The following PTPRO variants were observed in gnomAD, a reference collection of about 807,000 sequenced individuals.
PTPRO encodes protein tyrosine phosphatase receptor type O.
Under a neutral mutation model 145.2 loss-of-function variants are expected in PTPRO, and 62 were observed. The observed-to-expected ratio is 0.43, with a 90% CI of 0.35 to 0.53. The LOEUF (loss-of-function observed/expected upper bound fraction) is 0.53, where lower values mean the gene tolerates loss of function less well. PTPRO is among the 20% of genes least tolerant of loss of function. The pLI, the probability that PTPRO is intolerant of heterozygous loss-of-function variation, is 0.01. For synonymous variants in PTPRO, 565 were observed against 514.7 expected (o/e 1.10, Z -1.32); for missense variants, 1,345 against 1,482.7 (o/e 0.91, Z 1.53).
chr12:15,455,733 G>T (rs1172860490), intron 1 of PTPRO, among the ~76,000 whole-genome samples: 1 of 152,062 alleles, frequency 6.6e-6, no homozygotes. Flanking sequence ...GAACTCATTT[G>T]TTACTTCTAA....
chr12:15,531,855 T>C (rs1230675661), intron 12 of PTPRO, among the ~76,000 whole-genome samples: 1 of 152,206 alleles, frequency 6.6e-6, no homozygotes, highest in Non-Finnish European at 1.5e-5. Context: ...TTTTTTAAGA[T>C]GTCTGCTAAT....
chr12:15,483,360 G>A lies in PTPRO; in HGVS notation c.76-614G>A, dbSNP rs253846. Among the ~76,000 whole-genome samples the A allele has an allele frequency of 1.9e-3, 282 of 152,224 alleles. 1 individual carries two copies. Among genetic ancestry groups the A allele is most frequent in the African/African-American group, 6.5e-3 (269 of 41,554 alleles). On this transcript the variant is annotated intron_variant, in intron 1 of 26. Coordinates refer to ENST00000281171, the MANE Select transcript of PTPRO (RefSeq NM_030667.3). ...AAGTCCATCAACCGCTGATCCCCTA[G>A]ACACCAGCAGATCCTCCATCTGGTC...
intron 1 of PTPRO, among the ~76,000 whole-genome samples, chr12:15,391,879 C>T (rs1329412775): frequency 6.6e-6 from 1 of 152,136 alleles, no homozygotes; most frequent in African/African-American, 2.4e-5. Context: ...CTACTTTTGC[C>T]CCTTGGTTCT....
rs575050397 is a variant in PTPRO at position 15,327,151 on chromosome 12, G to A, written c.75+4350G>A. ...GGAGTTAAATAATCATAACTACAATGCACTCATTACATTCAAATAGTAAAA... is the reference window on the plus strand; with the variant it reads ...GGAGTTAAATAATCATAACTACAATACACTCATTACATTCAAATAGTAAAA... On this transcript the variant is annotated intron_variant, in intron 1 of 26. Coordinates refer to ENST00000281171, the MANE Select transcript of PTPRO (RefSeq NM_030667.3). Among the ~76,000 whole-genome samples, 277 of 152,182 alleles carry A rather than the reference G, an allele frequency of 1.8e-3. 1 individual carries two copies. Among genetic ancestry groups the A allele is most frequent in the African/African-American group, 6.5e-3 (269 of 41,526 alleles).
chr12:15,552,099 T>C (rs1943478964), intron 15 of PTPRO, among the ~76,000 whole-genome samples: 2 of 151,970 alleles, frequency 1.3e-5, no homozygotes, highest in South Asian at 4.2e-4. Context: ...AGCTGTTCTA[T>C]TGGAAAATAT....
chr12:15,467,593 C>A (rs1222059725), intron 1 of PTPRO, among the ~76,000 whole-genome samples: 1 of 152,164 alleles, frequency 6.6e-6, no homozygotes, highest in East Asian at 1.9e-4. Flanking sequence ...CCACTGCTGC[C>A]TATACTCACC....
At chr12:15,366,363 G>T (rs954952694) in intron 1 of PTPRO, among the ~76,000 whole-genome samples, 3 of 152,100 alleles carry the variant, frequency 2.0e-5, no homozygotes, top group Non-Finnish European at 2.9e-5. Flanking sequence ...AGTGAGGGGG[G>T]GAAAATTGTA....
intron 2 of PTPRO, among the ~76,000 whole-genome samples, chr12:15,490,563 A>C (rs1941979793): frequency 6.6e-6 from 1 of 152,206 alleles, no homozygotes; most frequent in African/African-American, 2.4e-5. Context: ...AAAGTCAAAC[A>C]AAAACAGGTG....
At chr12:15,399,506 C>T (rs1357209811) in intron 1 of PTPRO, among the ~76,000 whole-genome samples, 2 of 152,170 alleles carry the variant, frequency 1.3e-5, no homozygotes, top group Non-Finnish European at 1.5e-5. Context: ...CTCATAGATC[C>T]AGACTTTGTC....
Position 15,530,813 on chromosome 12 carries a change from A to C in PTPRO, c.2164+4551A>C, listed in dbSNP as rs373052404. Among the ~76,000 whole-genome samples, 3 of 152,276 alleles carry C rather than the reference A, an allele frequency of 2.0e-5. No individual in the cohort carries two copies. The East Asian group carries it at 5.8e-4, about 29-fold the overall frequency. On this transcript the variant is annotated intron_variant, in intron 12 of 26. Transcript: ENST00000281171. ...ATACACAACCTAATGATGTACCTCA[A>C]GGAACTAGAAAAGCAAAAGCAAACC...
Position 15,484,104 on chromosome 12 carries a change from T to C in PTPRO, c.206T>C (p.Phe69Ser). 1.9e-6 allele frequency: 3 copies of C among 1,613,868 alleles called. No individual in the cohort carries two copies. The highest frequency in any genetic ancestry group is 2.5e-6 in the Non-Finnish European group (3 of 1,179,828). ...ACTGGTGAATCCAAAAATTATTTCT[T>C]CGAATTTGAGGAATTCAACAGCACT... ...KITGESKNYFFEFEEFNSTLP... is the reference protein window; with the variant it reads ...KITGESKNYFSEFEEFNSTLP... Residue 69 changes from phenylalanine (F) to serine (S), a missense_variant, in exon 2 of 27, where the codon TTC becomes TCC. Coordinates refer to ENST00000281171, the MANE Select transcript of PTPRO (RefSeq NM_030667.3).
intron 25 of PTPRO, among the ~76,000 whole-genome samples, chr12:15,589,817 G>A (rs142504497): frequency 3.1e-4 from 47 of 152,310 alleles, no homozygotes; most frequent in African/African-American, 7.9e-4. Context: ...TCATAATTCA[G>A]AGTGCATGGG....
rs1198634712 is a variant in PTPRO at position 15,484,034 on chromosome 12, G to C, written c.136G>C (p.Ala46Pro). The change falls in exon 2 of 27, where the codon GCT (alanine) becomes CCT (proline). Residue 46 changes from alanine to proline, a missense_variant. Transcript: ENST00000281171. ...DDNNIVVSLEASDVISPASVY... is the reference protein window; with the variant it reads ...DDNNIVVSLEPSDVISPASVY... ...TAATAACATCGTTGTCTCATTAGAAGCTTCAGACGTCATCAGTCCAGCATC... is the reference window on the plus strand; with the variant it reads ...TAATAACATCGTTGTCTCATTAGAACCTTCAGACGTCATCAGTCCAGCATC... The C allele has an allele frequency of 1.4e-5, 22 of 1,613,534 alleles. No homozygotes were observed. The highest frequency in any genetic ancestry group is 1.8e-5 in the Non-Finnish European group (21 of 1,179,636).
At chr12:15,375,619 G>A (rs968242646) in intron 1 of PTPRO, among the ~76,000 whole-genome samples, 5 of 151,830 alleles carry the variant, frequency 3.3e-5, no homozygotes, top group Non-Finnish European at 5.9e-5. Flanking sequence ...AGCCAGGCAC[G>A]GTGGTGGGTG....
chr12:15,458,955 C>G (rs1203902202), intron 1 of PTPRO, among the ~76,000 whole-genome samples: 3 of 152,124 alleles, frequency 2.0e-5, no homozygotes, highest in Non-Finnish European at 4.4e-5. Flanking sequence ...TTCCAGCCTT[C>G]ATGGACTGGC....
chr12:15,544,081 T>G (rs540875918), intron 12 of PTPRO, among the ~76,000 whole-genome samples: 2 of 152,288 alleles, frequency 1.3e-5, no homozygotes, highest in South Asian at 4.1e-4. Context: ...TAAGGTGATT[T>G]TAATCCGTTG....
intron 23 of PTPRO, among the ~76,000 whole-genome samples, chr12:15,583,499 A>ACAC (rs1555095980): frequency 7.1e-6 from 1 of 141,054 alleles, no homozygotes; most frequent in Admixed American, 7.1e-5. Flanking sequence ...ACACACACAC[A>ACAC]AAAAAAATCA....
At chr12:15,433,613 A>G (rs1323607458) in intron 1 of PTPRO, among the ~76,000 whole-genome samples, 1 of 152,094 alleles carries the variant, frequency 6.6e-6, no homozygotes, top group Non-Finnish European at 1.5e-5. Context: ...TTGAATAGGG[A>G]GTCTTTTCCT....
chr12:15,466,139 C>A (rs1008164167), intron 1 of PTPRO, among the ~76,000 whole-genome samples: 4 of 151,988 alleles, frequency 2.6e-5, no homozygotes, highest in Admixed American at 2.0e-4. Flanking sequence ...TTTTTTTAAT[C>A]AAAATCTTTT....
Sources: allele counts gnomAD v4.1 joint callset (sites outside exome capture counted in the v4.1 genomes callset), GRCh38; gene constraint gnomAD v4.1.1; transcripts MANE v1.5; gene names NCBI Gene and HGNC (gene_info 2026-07-23, HGNC 2026-07-21).